Variants in PIAS2 observed in about 807,000 individuals in gnomAD.
PIAS2 encodes E3 SUMO-protein ligase PIAS2.
A neutral mutation model predicts 69.7 loss-of-function variants in PIAS2; 19 were observed. The ratio of observed to expected loss-of-function variants is 0.27; its 90% confidence interval spans 0.19 to 0.40. The LOEUF is 0.40. PIAS2 is among the 10% of genes least tolerant of loss of function. The probability of loss-of-function intolerance (pLI) is 1.00; values close to 1 mark genes in which losing one functional copy is unlikely to be tolerated. For missense variants in PIAS2, 624 were observed against 757.0 expected (o/e 0.82, Z 2.06); for synonymous variants, 261 against 263.2 (o/e 0.99, Z 0.08).
At chr18:46,896,055 T>C (rs945381025) in intron 1 of PIAS2, among the ~76,000 whole-genome samples, 10 of 151,276 alleles carry the variant, frequency 6.6e-5, no homozygotes, top group African/African-American at 2.2e-4. Flanking sequence ...AATGCTTCTA[T>C]TATTATACAA....
chr18:46,916,578 C>T (rs902760348), intron 1 of PIAS2, among the ~76,000 whole-genome samples: 1 of 152,122 alleles, frequency 6.6e-6, no homozygotes, highest in Non-Finnish European at 1.5e-5. Context: ...TATTCCAGAC[C>T]TCTGCTATAC....
Position 46,850,827 on chromosome 18 carries a change from A to AATAC in PIAS2, c.727-3987_727-3986insGTAT, listed in dbSNP as rs1200297100. On this transcript the variant is annotated intron_variant, in intron 5 of 13. Transcript: ENST00000585916. ...ATTACCCTTTTGATTGTATTAGCCG[A>AATAC]AATGTTTCCATAAAGAGCTTGACCA... Among the ~76,000 whole-genome samples, 4 of 152,206 alleles carry AATAC rather than the reference A, an allele frequency of 2.6e-5. No homozygotes were observed. The East Asian group carries it at 5.8e-4, about 22-fold the overall frequency.
intron 1 of PIAS2, among the ~76,000 whole-genome samples, chr18:46,892,530 T>C (rs1162271124): frequency 6.6e-6 from 1 of 152,058 alleles, no homozygotes; most frequent in Non-Finnish European, 1.5e-5. Context: ...CCCAGTGCTT[T>C]TGGAGGCCAA....
intron 2 of PIAS2, among the ~76,000 whole-genome samples, chr18:46,867,494 G>T (rs2049660731): frequency 6.6e-6 from 1 of 152,162 alleles, no homozygotes; most frequent in Non-Finnish European, 1.5e-5. Context: ...AGGATGCAAA[G>T]TATGCAGGTT....
intron 8 of PIAS2, among the ~76,000 whole-genome samples, chr18:46,838,960 C>T (rs2044877518): frequency 1.3e-5 from 2 of 152,164 alleles, no homozygotes. Flanking sequence ...TGAACGTTGA[C>T]TAAATACCTA....
intron 2 of PIAS2, among the ~76,000 whole-genome samples, chr18:46,883,207 G>A (rs1277984549): frequency 1.3e-5 from 2 of 151,892 alleles, no homozygotes; most frequent in Non-Finnish European, 2.9e-5. Flanking sequence ...ATGAGATTAC[G>A]AAGGACTGTC....
chr18:46,870,288 C>T (rs1399692313), intron 2 of PIAS2, among the ~76,000 whole-genome samples: 2 of 129,642 alleles, frequency 1.5e-5, no homozygotes, highest in South Asian at 4.2e-4. Flanking sequence ...TGTAAATGCT[C>T]CCCCTTCACT....
chr18:46,877,481 CACCCATT>C (rs147361449), intron 2 of PIAS2, among the ~76,000 whole-genome samples: 1,982 of 152,236 alleles, frequency 0.013, 41 homozygotes, highest in African/African-American at 0.044. Context: ...CACTCCTGAC[CACCCATT>C]CTGTAAACTG....
chr18:46,815,209 T>C (rs2041379703), intron 13 of PIAS2, 103 bp downstream of exon 13: 1 of 879,622 alleles, frequency 1.1e-6, no homozygotes, highest in South Asian at 1.5e-5. Context: ...ATGTAAGTAA[T>C]TCAGAGATGA....
intron 9 of PIAS2, among the ~76,000 whole-genome samples, chr18:46,834,005 C>T (rs72907143): frequency 0.061 from 8,819 of 145,332 alleles, 303 homozygotes; most frequent in Non-Finnish European, 0.084. Context: ...CTTCACAGCA[C>T]TTTACACTTA....
At chr18:46,835,994 C>T (rs932269132) in intron 9 of PIAS2, among the ~76,000 whole-genome samples, 4 of 152,166 alleles carry the variant, frequency 2.6e-5, no homozygotes, top group African/African-American at 9.7e-5. Context: ...TCTGTATCTA[C>T]CCTATCACTT....
chr18:46,859,896 C>G (rs2048406707), intron 3 of PIAS2, among the ~76,000 whole-genome samples: 1 of 152,096 alleles, frequency 6.6e-6, no homozygotes, highest in African/African-American at 2.4e-5. Context: ...AGATTGATCC[C>G]TTAAAATGGG....
intron 3 of PIAS2, among the ~76,000 whole-genome samples, chr18:46,859,529 C>T (rs1172322667): frequency 6.6e-6 from 1 of 151,150 alleles, no homozygotes; most frequent in Non-Finnish European, 1.5e-5. Context: ...TCTGTCAAGG[C>T]AGATTCCAAT....
At chr18:46,824,800 C>T (rs1487330791) in intron 11 of PIAS2, among the ~76,000 whole-genome samples, 1 of 149,040 alleles carries the variant, frequency 6.7e-6, no homozygotes, top group African/African-American at 2.5e-5. Context: ...CTCAGGAGTT[C>T]GAGACCAGCC....
rs1211480098 is a variant in PIAS2 at position 46,864,158 on chromosome 18, T to G, written c.584+6A>C. The G allele has an allele frequency of 6.7e-7, 1 of 1,491,208 alleles. No homozygotes were observed. The allele number at this position is 1,491,208 out of a possible 1,614,324, so 92.4% of individuals were successfully genotyped here. A position where few individuals can be genotyped will look rare whatever the true frequency, so the allele number is the denominator to read the frequency against. ...ATGAGAAATATATTCCAAATATTCC[T>G]CTTACCTGGATATGCATATCTCTCT... is the stretch of plus-strand genomic sequence containing the variant. On this transcript the variant is annotated splice_donor_region_variant and intron_variant, in intron 3 of 13. Transcript: ENST00000585916.
chr18:46,917,420 C>T lies in PIAS2; in HGVS notation c.-75G>A. On this transcript the variant is annotated 5_prime_UTR_variant, in exon 1 of 14. Coordinates refer to ENST00000585916, the MANE Select transcript of PIAS2 (RefSeq NM_004671.5). ...CTGCCGCCAACGACGCTGCCGCCAC[C>T]ACGGCCGCCGCCGCCTCCAGCACCA... The T allele has an allele frequency of 7.3e-7, 1 of 1,372,344 alleles. No individual in the cohort carries two copies. Among genetic ancestry groups the T allele is most frequent in the South Asian group, 1.7e-5 (1 of 60,272 alleles). 85.0% of individuals were successfully genotyped at this position (1,372,344 alleles called of 1,614,324 possible). A position where few individuals can be genotyped will look rare whatever the true frequency, so the allele number is the denominator to read the frequency against.
At chr18:46,829,497 G>C (rs1407591762) in intron 10 of PIAS2, among the ~76,000 whole-genome samples, 1 of 152,134 alleles carries the variant, frequency 6.6e-6, no homozygotes, top group Non-Finnish European at 1.5e-5. Flanking sequence ...AATGATTTTA[G>C]ATGAATGTTT....
chr18:46,864,276 A>G, intron 2 of PIAS2, 28 bp from the exon 3 acceptor site: 6 of 1,450,274 alleles, frequency 4.1e-6, no homozygotes, highest in Admixed American at 2.1e-5. Flanking sequence ...AAGAAAGATA[A>G]TATTTCAATA....
rs577324251 is a variant in PIAS2, at chr18:46,813,377, C to A, written c.1687-765G>T. On this transcript the variant is annotated intron_variant, in intron 13 of 13. Transcript: ENST00000585916. Reference sequence around the variant, plus strand: ...TCCCATTACTGATCCCAAACAAGTACAAACCTGAATGTACTACTCTAATAT... The same window carrying A: ...TCCCATTACTGATCCCAAACAAGTAAAAACCTGAATGTACTACTCTAATAT... Among the ~76,000 whole-genome samples the A allele has an allele frequency of 3.5e-4, 53 of 152,226 alleles. 2 individuals are homozygous for A. In the South Asian group the frequency reaches 8.5e-3, roughly 24 times the overall value.
Sources: gnomAD v4.1 joint callset for allele counts (sites outside exome capture counted in the v4.1 genomes callset) on GRCh38, gnomAD v4.1.1 for gene constraint, MANE v1.5 for transcripts, NCBI Gene and HGNC (gene_info 2026-07-23, HGNC 2026-07-21) for gene names.